RBMS3: variants seen among roughly 807,000 people sequenced by gnomAD.
The protein encoded by RBMS3 is RNA-binding motif, single-stranded-interacting protein 3.
In RBMS3, 27 loss-of-function variants were observed where a neutral mutation model predicts 66.8. That is an observed-to-expected ratio of 0.40 (90% CI 0.30 to 0.56). RBMS3 has a LOEUF of 0.56. Among genes scored for constraint, RBMS3 ranks in the 20% least tolerant of loss-of-function variants. The pLI is 0.40. For missense variants in RBMS3, 513 were observed against 549.5 expected, an observed-to-expected ratio of 0.93 and a Z score of 0.66; for synonymous variants, 188 against 183.0, an observed-to-expected ratio of 1.03 and a Z score of -0.22.
intron 4 of RBMS3, among the ~76,000 whole-genome samples, chr3:29,722,845 C>G (rs963164960): frequency 1.3e-5 from 2 of 152,106 alleles, no homozygotes; most frequent in Non-Finnish European, 2.9e-5. Context: ...TCCCATTCTG[C>G]TGATACTACT....
Position 29,622,943 on chromosome 3 carries a change from C to G in RBMS3, c.399+35738C>G, listed in dbSNP as rs183598376. Among the ~76,000 whole-genome samples, 1,069 of 152,036 alleles carry G rather than the reference C, an allele frequency of 7.0e-3. 28 individuals are homozygous for G. Among genetic ancestry groups the G allele is most frequent in the Admixed American group, 0.056 (862 of 15,260 alleles). On this transcript the variant is annotated intron_variant, in intron 4 of 14. Coordinates refer to ENST00000383767, the MANE Select transcript of RBMS3 (RefSeq NM_001003793.3). ...CATCGTGGCTAACACGGTGAAACCC[C>G]GTCTCTACTAAAAAATACAAAAAAT...
rs146758867 is a variant in RBMS3 at position 29,691,931 on chromosome 3, T to TTC, written c.400-47773_400-47772dup. On this transcript the variant is annotated intron_variant, in intron 4 of 14. Transcript: ENST00000383767. ...TATAAATCTTATTTATGTGTGACCC[T>TTC]TCTCTCTCTCTCTCTCTATTTTTTT... Among the ~76,000 whole-genome samples the TTC allele has an allele frequency of 9.6e-4, 110 of 114,866 alleles. 1 individual carries two copies. The highest frequency in any genetic ancestry group is 3.3e-3 in the African/African-American group (101 of 30,158). 75.4% of individuals were successfully genotyped at this position (114,866 alleles called of 152,430 possible).
At chr3:29,533,955 A>G (rs2045458664) in intron 3 of RBMS3, among the ~76,000 whole-genome samples, 1 of 152,216 alleles carries the variant, frequency 6.6e-6, no homozygotes, top group African/African-American at 2.4e-5. Context: ...GCCACTCCTT[A>G]AGTGACTCCT....
chr3:29,917,869 G>T (rs1487863993), intron 10 of RBMS3, among the ~76,000 whole-genome samples: 1 of 152,092 alleles, frequency 6.6e-6, no homozygotes, highest in Non-Finnish European at 1.5e-5. Context: ...AAGTTCATTG[G>T]TCTTTTAGGT....
chr3:29,624,378 A>G (rs1458934082), intron 4 of RBMS3, among the ~76,000 whole-genome samples: 4 of 152,194 alleles, frequency 2.6e-5, no homozygotes, highest in Non-Finnish European at 4.4e-5. Flanking sequence ...ACAAAGTGAG[A>G]CTGTGAGAAT....
intron 1 of RBMS3, among the ~76,000 whole-genome samples, chr3:29,288,126 A>G (rs996343609): frequency 6.6e-6 from 1 of 151,974 alleles, no homozygotes; most frequent in Non-Finnish European, 1.5e-5. Context: ...TTGTGGGGGA[A>G]TTCTCTGATT....
chr3:29,892,391 T>C (rs936352960), intron 8 of RBMS3, among the ~76,000 whole-genome samples: 2 of 151,554 alleles, frequency 1.3e-5, no homozygotes, highest in Non-Finnish European at 3.0e-5. Context: ...AATGTTTGTA[T>C]AGGAGCTGTT....
At chr3:29,642,505 A>G (rs1043001135) in intron 4 of RBMS3, among the ~76,000 whole-genome samples, 7 of 152,132 alleles carry the variant, frequency 4.6e-5, no homozygotes, top group Non-Finnish European at 1.0e-4. Flanking sequence ...ACCACCAAAA[A>G]GCATTTCATC....
chr3:29,788,778 T>C (rs1309754786), intron 6 of RBMS3, among the ~76,000 whole-genome samples: 2 of 152,206 alleles, frequency 1.3e-5, no homozygotes, highest in Non-Finnish European at 2.9e-5. Flanking sequence ...CTAGGTAATA[T>C]AGTATATGCT....
At chr3:29,827,355 A>G (rs114294111) in intron 6 of RBMS3, among the ~76,000 whole-genome samples, 2,132 of 152,298 alleles carry the variant, frequency 0.014, 46 homozygotes, top group African/African-American at 0.048. Flanking sequence ...TCAGGGCCAT[A>G]TGAATGTGAG....
chr3:29,608,554 C>T (rs929093039), intron 4 of RBMS3, among the ~76,000 whole-genome samples: 1 of 151,890 alleles, frequency 6.6e-6, no homozygotes, highest in African/African-American at 2.4e-5. Flanking sequence ...TTTAGATGAC[C>T]AAAGATGACA....
intron 4 of RBMS3, among the ~76,000 whole-genome samples, chr3:29,594,856 T>C (rs1176725370): frequency 6.6e-6 from 1 of 152,222 alleles, no homozygotes; most frequent in African/African-American, 2.4e-5. Flanking sequence ...ATATTTGTAT[T>C]AGCTTATATC....
chr3:29,473,482 G>A (rs984473047), intron 2 of RBMS3, among the ~76,000 whole-genome samples: 2 of 152,226 alleles, frequency 1.3e-5, no homozygotes, highest in Non-Finnish European at 2.9e-5. Flanking sequence ...GGAGCTGCCT[G>A]CCAGTCCCGC....
intron 3 of RBMS3, among the ~76,000 whole-genome samples, chr3:29,582,513 T>C (rs1004211254): frequency 3.9e-5 from 6 of 152,188 alleles, no homozygotes; most frequent in African/African-American, 1.4e-4. Context: ...AGCTTAATTA[T>C]GTAATTGAGA....
chr3:29,970,915 C>T (rs1697187634), intron 12 of RBMS3, among the ~76,000 whole-genome samples: 1 of 152,152 alleles, frequency 6.6e-6, no homozygotes, highest in African/African-American at 2.4e-5. Flanking sequence ...CTTTTAATAG[C>T]TTCACCAAAG....
At chr3:29,357,223 G>A (rs142836448) in intron 1 of RBMS3, among the ~76,000 whole-genome samples, 23,361 of 150,160 alleles carry the variant, frequency 0.16, 1,873 homozygotes, top group East Asian at 0.22. Context: ...AACAGGCCCC[G>A]GTGTGTGATG....
intron 6 of RBMS3, among the ~76,000 whole-genome samples, chr3:29,838,773 T>C (rs1419999961): frequency 1.3e-5 from 2 of 152,200 alleles, no homozygotes; most frequent in African/African-American, 2.4e-5. Context: ...GCAAATAGTG[T>C]ATGTGTCCAT....
chr3:29,933,188 C>G (rs2061175381), intron 10 of RBMS3, among the ~76,000 whole-genome samples: 2 of 152,140 alleles, frequency 1.3e-5, no homozygotes, highest in Admixed American at 1.3e-4. Flanking sequence ...GTCACAAACA[C>G]TCTTCAGCCT....
intron 2 of RBMS3, among the ~76,000 whole-genome samples, chr3:29,480,536 T>G (rs1325584633): frequency 6.6e-6 from 1 of 152,150 alleles, no homozygotes; most frequent in African/African-American, 2.4e-5. Flanking sequence ...GAGGAAGCTA[T>G]TTAGGAGGTC....
Sources: allele counts gnomAD v4.1 joint callset (sites outside exome capture counted in the v4.1 genomes callset), GRCh38; gene constraint gnomAD v4.1.1; transcripts MANE v1.5; gene names NCBI Gene and HGNC (gene_info 2026-07-23, HGNC 2026-07-21).